THSD7A: variants seen among roughly 807,000 people sequenced by gnomAD.
The protein encoded by THSD7A is thrombospondin type 1 domain containing 7A, also known as thrombospondin type-1 domain-containing protein 7A.
Under a neutral mutation model 231.3 loss-of-function variants are expected in THSD7A, and 96 were observed. The observed-to-expected ratio is 0.41, with a 90% CI of 0.35 to 0.49. THSD7A has a LOEUF of 0.49. THSD7A is among the 20% of genes least tolerant of loss of function. THSD7A has a pLI of 0.05. For synonymous variants in THSD7A, 940 were observed against 743.3 expected, an observed-to-expected ratio of 1.26 and a Z score of -4.30; for missense variants, 2,290 against 2,070.2, an observed-to-expected ratio of 1.11 and a Z score of -2.06.
rs149647221 is a variant in THSD7A, at chr7:11,805,722, A to G, written c.190+26035T>C. On this transcript the variant is annotated intron_variant, in intron 1 of 27. Coordinates refer to ENST00000423059, the MANE Select transcript of THSD7A (RefSeq NM_015204.3). ...AACTTTAAGACAAATTTACAAATACATGCAATTTTAAACATTTTTTAAACA... is the reference window on the plus strand; with the variant it reads ...AACTTTAAGACAAATTTACAAATACGTGCAATTTTAAACATTTTTTAAACA... 3.5e-3 allele frequency among the ~76,000 whole-genome samples: 528 copies of G among 152,222 alleles called. 1 individual carries two copies. The highest frequency in any genetic ancestry group is 0.018 in the Middle Eastern group (5 of 282).
chr7:11,401,010 A>G (rs1783383705), intron 23 of THSD7A, among the ~76,000 whole-genome samples: 1 of 152,186 alleles, frequency 6.6e-6, no homozygotes, highest in Non-Finnish European at 1.5e-5. Context: ...CTATGTGTGT[A>G]TACGTTCACA....
rs113886867 is a variant in THSD7A at position 11,391,273 on chromosome 7, CT to C, written c.4412-8658del. ...ATTAGCCCCTGACTGGGGCTCCTGC[CT>C]TTTTTTTCACAAATGCCCTGCCCAG... On this transcript the variant is annotated intron_variant, in intron 23 of 27. Transcript: ENST00000423059. Among the ~76,000 whole-genome samples, 4 of 152,174 alleles carry C rather than the reference CT, an allele frequency of 2.6e-5. No homozygotes were observed. In the East Asian group the frequency reaches 7.7e-4, roughly 29 times the overall value.
intron 6 of THSD7A, among the ~76,000 whole-genome samples, chr7:11,540,690 A>C (rs1363958199): frequency 2.6e-5 from 4 of 152,208 alleles, no homozygotes; most frequent in East Asian, 1.9e-4. Context: ...AGAGGTAAGG[A>C]GTTCTCCCCA....
intron 11 of THSD7A, among the ~76,000 whole-genome samples, chr7:11,455,929 T>C (rs555169534): frequency 5.9e-5 from 9 of 152,138 alleles, no homozygotes; most frequent in East Asian, 5.8e-4. Flanking sequence ...CTATTAATAG[T>C]ATTAAGAGTA....
chr7:11,492,815 AC>A (rs1786953223), intron 6 of THSD7A, among the ~76,000 whole-genome samples: 1 of 151,428 alleles, frequency 6.6e-6, no homozygotes, highest in African/African-American at 2.4e-5. Context: ...TCCTCTATGA[AC>A]CCCATGTAAA....
At chr7:11,553,406 C>A (rs1789714338) in intron 4 of THSD7A, among the ~76,000 whole-genome samples, 1 of 151,936 alleles carries the variant, frequency 6.6e-6, no homozygotes, top group Non-Finnish European at 1.5e-5. Context: ...TCTGCAATTG[C>A]CCAAGAGTTA....
chr7:11,477,349 G>C (rs1213957161), intron 7 of THSD7A, among the ~76,000 whole-genome samples: 1 of 152,122 alleles, frequency 6.6e-6, no homozygotes, highest in Non-Finnish European at 1.5e-5. Context: ...ATCTTTGATA[G>C]AGTTATTACA....
chr7:11,710,011 T>C (rs966461756), intron 1 of THSD7A, among the ~76,000 whole-genome samples: 1 of 150,880 alleles, frequency 6.6e-6, no homozygotes, highest in African/African-American at 2.4e-5. Context: ...AATGTCATTA[T>C]CTCAAGAATC....
rs759610475 is a variant in THSD7A, at chr7:11,481,988, G to T, written c.1823-6C>A. The T allele has an allele frequency of 1.3e-6, 2 of 1,585,952 alleles. No homozygotes were observed. Among genetic ancestry groups the T allele is most frequent in the Non-Finnish European group, 1.7e-6 (2 of 1,163,308 alleles). On this transcript the variant is annotated splice_region_variant and splice_polypyrimidine_tract_variant and intron_variant, in intron 6 of 27. Coordinates refer to ENST00000423059, the MANE Select transcript of THSD7A (RefSeq NM_015204.3). ...CTGTCTGTCAACTTCTTCTCCTGGG[G>T]AAAACATGACCACCAACAGCTATTA... is the stretch of plus-strand genomic sequence containing the variant.
At chr7:11,557,781 T>G (rs576060507) in intron 4 of THSD7A, among the ~76,000 whole-genome samples, 1 of 151,788 alleles carries the variant, frequency 6.6e-6, no homozygotes, top group Non-Finnish European at 1.5e-5. Context: ...ATTGTGGGGG[T>G]GGGGAGTGCT....
rs78765252 is a variant in THSD7A, at chr7:11,766,891, T to C, written c.190+64866A>G. 3.5e-3 allele frequency among the ~76,000 whole-genome samples: 533 copies of C among 152,028 alleles called. 4 individuals carry two copies. Among genetic ancestry groups the C allele is most frequent in the African/African-American group, 0.012 (507 of 41,494 alleles). ...GAAGAAAATCTGGGAAATTTGAAAA[T>C]GGGGGAAATTTCAAAACTGCCACTG... On this transcript the variant is annotated intron_variant, in intron 1 of 27. Transcript: ENST00000423059.
At chr7:11,459,462 T>G (rs951171292) in intron 11 of THSD7A, among the ~76,000 whole-genome samples, 6 of 152,062 alleles carry the variant, frequency 3.9e-5, no homozygotes, top group Admixed American at 3.3e-4. Context: ...CGACTTTCAG[T>G]TCTATATACT....
intron 1 of THSD7A, among the ~76,000 whole-genome samples, chr7:11,801,564 TAGTG>T: frequency 6.6e-6 from 1 of 152,276 alleles, no homozygotes; most frequent in Admixed American, 6.5e-5. Flanking sequence ...GTGGATTCTA[TAGTG>T]CTGTAGTCTA....
At chr7:11,508,167 C>T (rs564767802) in intron 6 of THSD7A, among the ~76,000 whole-genome samples, 1 of 152,206 alleles carries the variant, frequency 6.6e-6, no homozygotes, top group East Asian at 1.9e-4. Context: ...CCTCCCTGGA[C>T]CCCTGGAGAT....
chr7:11,376,400 G>A (rs1324465229), intron 27 of THSD7A, among the ~76,000 whole-genome samples, 170 bp downstream of exon 27: 1 of 152,050 alleles, frequency 6.6e-6, no homozygotes, highest in East Asian at 1.9e-4. Context: ...CTTTAGAAAC[G>A]AAATGGCTCA....
intron 7 of THSD7A, among the ~76,000 whole-genome samples, chr7:11,480,767 C>T (rs544722499): frequency 6.6e-6 from 1 of 152,124 alleles, no homozygotes; most frequent in African/African-American, 2.4e-5. Context: ...GCAAATTTGA[C>T]TAGGAACACT....
intron 2 of THSD7A, among the ~76,000 whole-genome samples, chr7:11,607,025 A>G (rs961456855): frequency 4.6e-5 from 7 of 151,744 alleles, no homozygotes; most frequent in Non-Finnish European, 1.0e-4. Context: ...AAATATATAT[A>G]TAAAAGAAAA....
chr7:11,737,856 T>C (rs1270280940), intron 1 of THSD7A, among the ~76,000 whole-genome samples: 2 of 151,996 alleles, frequency 1.3e-5, no homozygotes, highest in Non-Finnish European at 2.9e-5. Context: ...TTGTACTAAT[T>C]AGGGCAGCCA....
chr7:11,527,802 GGGATAAAAACAATGAAGAGACTTTACT>G (rs1788540868), intron 6 of THSD7A, among the ~76,000 whole-genome samples: 1 of 152,016 alleles, frequency 6.6e-6, no homozygotes, highest in Non-Finnish European at 1.5e-5. Context: ...GACCTCTTTT[GGGATAAAAACAATGAAGAGACTTTACT>G]GGTTTAAATA....
Sources: gnomAD v4.1 joint callset for allele counts (sites outside exome capture counted in the v4.1 genomes callset) on GRCh38, gnomAD v4.1.1 for gene constraint, MANE v1.5 for transcripts, NCBI Gene and HGNC (gene_info 2026-07-23, HGNC 2026-07-21) for gene names.